NUP205: variants seen among roughly 807,000 people sequenced by gnomAD.
NUP205 encodes the protein nucleoporin 205, also known as nuclear pore complex protein Nup205.
Under a neutral mutation model 253.8 loss-of-function variants are expected in NUP205, and 76 were observed. The ratio of observed to expected loss-of-function variants is 0.30; its 90% CI spans 0.25 to 0.36. The LOEUF (loss-of-function observed/expected upper bound fraction) is 0.36, where lower values mean the gene tolerates loss of function less well. Ranked by LOEUF, NUP205 falls within the 10% of genes least tolerant of loss-of-function variation. The pLI is 1.00. For synonymous variants in NUP205, 832 were observed against 850.1 expected, an observed-to-expected ratio of 0.98 and a Z score of 0.37; for missense variants, 2,162 against 2,425.5, an observed-to-expected ratio of 0.89 and a Z score of 2.28.
chr7:135,610,317 T>G (rs1794196167), intron 22 of NUP205, among the ~76,000 whole-genome samples: 1 of 152,008 alleles, frequency 6.6e-6, no homozygotes, highest in African/African-American at 2.4e-5. Context: ...ACCTCCCGGG[T>G]TCAAGCGATT....
intron 28 of NUP205, 111 bp from the exon 29 acceptor site, chr7:135,619,312 A>C (rs189844317): frequency 1.7e-6 from 2 of 1,165,672 alleles, no homozygotes; most frequent in East Asian, 2.3e-5. Context: ...ACTGCACTCC[A>C]GCCTCGGTGA....
chr7:135,608,568 C>T (rs762436791), intron 22 of NUP205, among the ~76,000 whole-genome samples: 19 of 151,548 alleles, frequency 1.3e-4, no homozygotes, highest in Non-Finnish European at 1.9e-4. Flanking sequence ...ATTAGCTGGG[C>T]GTGGTGGCAC....
chr7:135,585,340 C>T (rs527386781), intron 8 of NUP205, among the ~76,000 whole-genome samples: 20 of 152,190 alleles, frequency 1.3e-4, no homozygotes, highest in Admixed American at 1.2e-3. Context: ...GAAATAAGTC[C>T]TCTTAACTGG....
rs776101078 is a variant in NUP205 at position 135,622,837 on chromosome 7, G to A, written c.4391G>A (p.Arg1464Gln). 9.3e-6 allele frequency: 15 copies of A among 1,614,048 alleles called. No homozygotes were observed. Among genetic ancestry groups the A allele is most frequent in the East Asian group, 4.5e-5 (2 of 44,888 alleles). ...APEDVFSKLQ[R>Q]ENIAIIESYG... Reference sequence around the variant, plus strand: ...GAAGATGTATTTAGCAAATTACAGCGAGAAAACATAGCCATTATTGAAAGT... The same window carrying A: ...GAAGATGTATTTAGCAAATTACAGCAAGAAAACATAGCCATTATTGAAAGT... Residue 1464 changes from arginine (R) to glutamine (Q), a missense_variant, in exon 31 of 43, where the codon CGA becomes CAA. Arg to Gln is a conservative substitution (Grantham distance 43). Transcript: ENST00000285968.
intron 22 of NUP205, among the ~76,000 whole-genome samples, chr7:135,613,367 A>AT (rs1794284359): frequency 6.6e-6 from 1 of 150,956 alleles, no homozygotes; most frequent in Non-Finnish European, 1.5e-5. Flanking sequence ...CTTTTTTGTT[A>AT]AATTTTTATT....
intron 38 of NUP205, among the ~76,000 whole-genome samples, chr7:135,641,220 G>A (rs1290241316): frequency 6.6e-6 from 1 of 152,188 alleles, no homozygotes; most frequent in Admixed American, 6.5e-5. Flanking sequence ...AAATGCTTTG[G>A]AGTCCTCCAA....
At chr7:135,600,303 G>C (rs867037141) in intron 15 of NUP205, among the ~76,000 whole-genome samples, 3 of 152,198 alleles carry the variant, frequency 2.0e-5, no homozygotes, top group African/African-American at 7.2e-5. Flanking sequence ...AAGCCTACCA[G>C]TGATTGTGTC....
At chr7:135,605,077 A>G (rs758824731) in intron 19 of NUP205, among the ~76,000 whole-genome samples, 3 of 151,430 alleles carry the variant, frequency 2.0e-5, no homozygotes, top group Admixed American at 6.6e-5. Context: ...TTCTTTTGAG[A>G]CAGGAACTCG....
At chr7:135,621,819 T>C (rs1794475172) in intron 30 of NUP205, among the ~76,000 whole-genome samples, 1 of 152,184 alleles carries the variant, frequency 6.6e-6, no homozygotes, top group Admixed American at 6.5e-5. Flanking sequence ...CTTTTGTTTT[T>C]TGAGACAGAG....
chr7:135,620,483 G>A (rs765716419), intron 30 of NUP205, among the ~76,000 whole-genome samples: 10 of 152,154 alleles, frequency 6.6e-5, no homozygotes, highest in African/African-American at 2.4e-4. Context: ...CCCAGATTGC[G>A]CCACTGCCCT....
chr7:135,643,420 A>ACTAGT lies in NUP205; in HGVS notation c.5559+64_5559+65insAGTCT, dbSNP rs58552282. 22 of 1,366,290 alleles carry ACTAGT rather than the reference A, an allele frequency of 1.6e-5. No individual in the cohort carries two copies. In the African/African-American group the frequency reaches 3.0e-4, roughly 19 times the overall value. 84.6% of individuals were successfully genotyped at this position (1,366,290 alleles called of 1,614,324 possible). A position where few individuals can be genotyped will look rare whatever the true frequency, so the allele number is the denominator to read the frequency against. On this transcript the variant is annotated intron_variant, in intron 39 of 42. Coordinates refer to ENST00000285968, the MANE Select transcript of NUP205 (RefSeq NM_015135.3). ...ATCATTGCTGTTACTAGGCCAGGGT[A>ACTAGT]CTCAGACTGAGTAAAGACAACGTAT...
rs1806191311 is a variant in NUP205 at position 135,577,780 on chromosome 7, A to G, written c.649-16A>G. ...CTGTAATTTATTTATACTGATAGTC[A>G]TGTTTTTATTTCTAGGTTTCTGATC... On this transcript the variant is annotated splice_polypyrimidine_tract_variant and intron_variant, in intron 5 of 42. Transcript: ENST00000285968. The G allele has an allele frequency of 6.3e-7, 1 of 1,577,042 alleles. No homozygotes were observed.
At chr7:135,642,561 A>C (rs1044159176) in intron 38 of NUP205, among the ~76,000 whole-genome samples, 5 of 152,164 alleles carry the variant, frequency 3.3e-5, no homozygotes, top group Non-Finnish European at 2.9e-5. Flanking sequence ...TTGCATCTTC[A>C]TTAGCCAGTA....
At position 135,619,427 on chromosome 7, in the gene NUP205, T is replaced by C; in HGVS notation, c.3968T>C (p.Leu1323Pro). 6.2e-7 allele frequency: 1 copy of C among 1,612,410 alleles called. No individual in the cohort carries two copies. Among genetic ancestry groups the C allele is most frequent in the Non-Finnish European group, 8.5e-7 (1 of 1,179,832 alleles). Reference protein sequence around the residue: ...DILQDVHDKILDDEAAQELMP... With the variant: ...DILQDVHDKIPDDEAAQELMP... The stretch of plus-strand genomic sequence containing the variant: ...AATTTGCCCTTGTCCTTTAAGATAC[T>C]GGATGATGAAGCTGCGCAAGAGTTA... Residue 1323 changes from leucine (L) to proline (P), a missense_variant, in exon 29 of 43, where the codon CTG becomes CCG. This residue lies in a region of NUP205 where 1,144 missense variants were observed against 1,280.9 expected (regional missense o/e 0.89). Coordinates refer to ENST00000285968, the MANE Select transcript of NUP205 (RefSeq NM_015135.3).
At chr7:135,574,469 T>C (rs1806093839) in intron 3 of NUP205, among the ~76,000 whole-genome samples, 1 of 151,914 alleles carries the variant, frequency 6.6e-6, no homozygotes, top group South Asian at 2.1e-4. Flanking sequence ...ACCCAAATGA[T>C]GAGAAGGTGC....
chr7:135,586,867 C>G (rs980770129), intron 8 of NUP205, among the ~76,000 whole-genome samples: 1 of 152,076 alleles, frequency 6.6e-6, no homozygotes, highest in Non-Finnish European at 1.5e-5. Flanking sequence ...ATTTTATGTA[C>G]ACCTGAAAGG....
chr7:135,606,970 G>T, intron 21 of NUP205, 55 bp downstream of exon 21: 1 of 1,514,444 alleles, frequency 6.6e-7, no homozygotes, highest in Non-Finnish European at 9.1e-7. Context: ...GTATCTCAGG[G>T]GTCACTGATT....
At chr7:135,611,061 A>G (rs1563127897) in intron 22 of NUP205, among the ~76,000 whole-genome samples, 1 of 146,776 alleles carries the variant, frequency 6.8e-6, no homozygotes, top group Non-Finnish European at 1.5e-5. Flanking sequence ...CCTGGAGTGC[A>G]GTGGTGTGGT....
In NUP205 at chr7:135,600,959, G is replaced by A. The variant is rs61743018; in HGVS notation, c.2364G>A (p.Val788=). Residue 788 remains valine, a synonymous_variant, in exon 16 of 43, where the codon GTG becomes GTA. Transcript: ENST00000285968. ...PQLEDFVDQF[V]ELQGEEIIAY... is the part of the protein sequence containing the mutation. ...TTGAAGATTTTGTAGACCAGTTTGT[G>A]GAACTACAAGGTAATTTAATTCTGT... 3.2e-3 allele frequency: 5,114 copies of A among 1,582,856 alleles called. 23 individuals carry two copies. Among genetic ancestry groups the A allele is most frequent in the South Asian group, 5.4e-3 (482 of 89,788 alleles).
Sources: gnomAD v4.1 joint callset for allele counts (sites outside exome capture counted in the v4.1 genomes callset) on GRCh38, gnomAD v4.1.1 for gene constraint, gnomAD v4.1.1 regional missense constraint, MANE v1.5 for transcripts, NCBI Gene and HGNC (gene_info 2026-07-23, HGNC 2026-07-21) for gene names.